NRXN3: variants seen among roughly 807,000 people sequenced by gnomAD.
The protein encoded by NRXN3 is neurexin III.
A neutral mutation model predicts 137.6 loss-of-function variants in NRXN3; 32 were observed. That is an observed-to-expected ratio of 0.23 (90% CI 0.18 to 0.31). The LOEUF (loss-of-function observed/expected upper bound fraction) is 0.31, where lower values mean the gene tolerates loss of function less well. Among genes scored for constraint, NRXN3 ranks in the 10% least tolerant of loss-of-function variants. The pLI is 1.00. For missense variants in NRXN3, 1,574 were observed against 2,062.5 expected, an observed-to-expected ratio of 0.76 and a Z score of 4.59; for synonymous variants, 798 against 784.5, an observed-to-expected ratio of 1.02 and a Z score of -0.29.
At chr14:79,164,518 T>C (rs2061109178) in intron 15 of NRXN3, among the ~76,000 whole-genome samples, 1 of 152,124 alleles carries the variant, frequency 6.6e-6, no homozygotes, top group Middle Eastern at 3.4e-3. Flanking sequence ...TTATCATAAT[T>C]TCCATGGAGA....
intron 20 of NRXN3, chr14:79,823,844 G>T: frequency 2.6e-6 from 1 of 388,886 alleles, no homozygotes; most frequent in Non-Finnish European, 5.6e-6. Context: ...ATGATGATAT[G>T]CAGGGCTCTA....
intron 15 of NRXN3, among the ~76,000 whole-genome samples, chr14:79,009,900 CA>C (rs1442811760): frequency 1.3e-5 from 2 of 152,156 alleles, no homozygotes; most frequent in Non-Finnish European, 2.9e-5. Flanking sequence ...AATAATTCAG[CA>C]AATACTGTGG....
chr14:78,981,022 A>G (rs904564780), intron 14 of NRXN3, among the ~76,000 whole-genome samples: 4 of 152,208 alleles, frequency 2.6e-5, no homozygotes, highest in African/African-American at 9.6e-5. Flanking sequence ...AAAAGACTTC[A>G]TAAATATGTA....
At chr14:79,012,431 G>T (rs191084017) in intron 15 of NRXN3, among the ~76,000 whole-genome samples, 32 of 152,306 alleles carry the variant, frequency 2.1e-4, no homozygotes, top group African/African-American at 7.5e-4. Flanking sequence ...GGCCCATGGT[G>T]ATTATGGAGA....
intron 1 of NRXN3, among the ~76,000 whole-genome samples, chr14:78,181,961 G>A (rs577431867): frequency 1.6e-4 from 24 of 152,188 alleles, no homozygotes; most frequent in South Asian, 8.3e-4. Context: ...CAAGAGAGAC[G>A]TTTAGTTTAT....
intron 4 of NRXN3, among the ~76,000 whole-genome samples, chr14:78,613,460 C>G (rs1486014553): frequency 6.6e-6 from 1 of 151,914 alleles, no homozygotes. Context: ...AAATAATAAG[C>G]CCTTTATCTA....
At chr14:79,295,715 C>A (rs1419759255) in intron 15 of NRXN3, among the ~76,000 whole-genome samples, 6 of 152,098 alleles carry the variant, frequency 3.9e-5, no homozygotes, top group African/African-American at 7.2e-5. Context: ...ACTCAGTAGG[C>A]CCTTTAAAAA....
intron 10 of NRXN3, among the ~76,000 whole-genome samples, chr14:78,836,380 T>C (rs1048627545): frequency 6.6e-5 from 10 of 152,334 alleles, no homozygotes; most frequent in Admixed American, 5.9e-4. Context: ...TGGGAGGCTA[T>C]TCAGTGAAGT....
At chr14:79,326,631 GTC>G (rs2090915007) in intron 15 of NRXN3, among the ~76,000 whole-genome samples, 1 of 152,140 alleles carries the variant, frequency 6.6e-6, no homozygotes, top group African/African-American at 2.4e-5. Context: ...GTCCGTTTCT[GTC>G]TCTTTCATTC....
At chr14:79,535,589 A>T (rs2097204107) in intron 16 of NRXN3, among the ~76,000 whole-genome samples, 1 of 152,100 alleles carries the variant, frequency 6.6e-6, no homozygotes. Context: ...TTTGTAATAA[A>T]TTATATTAAT....
At chr14:79,838,167 A>G (rs1323636628) in intron 20 of NRXN3, among the ~76,000 whole-genome samples, 4 of 152,206 alleles carry the variant, frequency 2.6e-5, no homozygotes, top group Non-Finnish European at 1.5e-5. Context: ...TAAAAGTCAT[A>G]AAGTACTAAG....
chr14:78,257,788 T>C (rs1354452905), intron 2 of NRXN3, among the ~76,000 whole-genome samples: 1 of 152,210 alleles, frequency 6.6e-6, no homozygotes, highest in African/African-American at 2.4e-5. Flanking sequence ...GTTTTTCAGT[T>C]GAATTGTGAC....
chr14:78,639,452 C>T (rs1272236476), intron 4 of NRXN3, among the ~76,000 whole-genome samples: 2 of 152,188 alleles, frequency 1.3e-5, no homozygotes, highest in African/African-American at 4.8e-5. Context: ...ACGGGCTCTT[C>T]TAAGTATCTA....
chr14:79,298,446 A>T (rs577398777), intron 15 of NRXN3, among the ~76,000 whole-genome samples: 12 of 152,170 alleles, frequency 7.9e-5, no homozygotes, highest in Admixed American at 6.5e-4. Flanking sequence ...GAGCATTCTT[A>T]ACCAGATACA....
At chr14:78,866,231 G>T (rs1202585429) in intron 10 of NRXN3, among the ~76,000 whole-genome samples, 1 of 151,952 alleles carries the variant, frequency 6.6e-6, no homozygotes, top group Non-Finnish European at 1.5e-5. Flanking sequence ...TCTGGGGAAA[G>T]AAAAGAAAAA....
chr14:79,410,940 G>C (rs1326109186), intron 15 of NRXN3, among the ~76,000 whole-genome samples: 1 of 151,912 alleles, frequency 6.6e-6, no homozygotes, highest in African/African-American at 2.4e-5. Flanking sequence ...TTACAGTTTT[G>C]GGGGGGAAGA....
intron 4 of NRXN3, 42 bp from the exon 5 acceptor site, chr14:78,645,078 C>A (rs778501542): frequency 2.0e-6 from 3 of 1,485,258 alleles, no homozygotes; most frequent in Non-Finnish European, 2.7e-6. Flanking sequence ...CTGACTCTTG[C>A]CAGACAAGTG....
intron 4 of NRXN3, among the ~76,000 whole-genome samples, chr14:78,492,726 T>C (rs905098994): frequency 6.6e-6 from 1 of 152,152 alleles, no homozygotes; most frequent in African/African-American, 2.4e-5. Context: ...TTAAGTAACA[T>C]AGATAGCAGG....
intron 4 of NRXN3, among the ~76,000 whole-genome samples, chr14:78,324,104 G>A (rs982460049): frequency 9.9e-5 from 15 of 152,032 alleles, no homozygotes; most frequent in African/African-American, 3.4e-4. Context: ...TGAGAAACCC[G>A]AGCTGGGATT....
Sources: allele counts gnomAD v4.1 joint callset (sites outside exome capture counted in the v4.1 genomes callset), GRCh38; gene constraint gnomAD v4.1.1; transcripts MANE v1.5; gene names NCBI Gene and HGNC (gene_info 2026-07-23, HGNC 2026-07-21).